The following TCERG1L variants were observed in gnomAD, a reference collection of about 807,000 sequenced individuals.
TCERG1L encodes the protein transcription elongation regulator 1-like protein.
TCERG1L carries 37 observed loss-of-function variants against 56.3 expected under a neutral mutation model. That is an observed-to-expected ratio of 0.66 (90% CI 0.51 to 0.87). The LOEUF is 0.87. Among genes scored for constraint, TCERG1L ranks in the 40% least tolerant of loss-of-function variants. The pLI is 0.00. For missense variants in TCERG1L, 799 were observed against 774.2 expected, an observed-to-expected ratio of 1.03 and a Z score of -0.38; for synonymous variants, 324 against 326.3, an observed-to-expected ratio of 0.99 and a Z score of 0.08.
chr10:131,256,992 G>GGAAGGAAGGAAGGAAAGGAAGAAA (rs1846173015), intron 4 of TCERG1L, among the ~76,000 whole-genome samples: 11 of 59,212 alleles, frequency 1.9e-4, no homozygotes, highest in Admixed American at 3.5e-4. Flanking sequence ...AAGGAAGGAA[G>GGAAGGAAGGAAGGAAAGGAAGAAA]GAAAGAAAGA....
intron 4 of TCERG1L, among the ~76,000 whole-genome samples, chr10:131,195,625 C>T (rs1208961279): frequency 6.6e-6 from 1 of 152,176 alleles, no homozygotes; most frequent in Non-Finnish European, 1.5e-5. Context: ...TCGCACAGGA[C>T]CTCTCCGCTG....
Position 131,103,388 on chromosome 10 carries a change from T to C in TCERG1L, c.1485+877A>G, listed in dbSNP as rs921207195. Among the ~76,000 whole-genome samples, 16 of 152,150 alleles carry C rather than the reference T, an allele frequency of 1.1e-4. No individual in the cohort carries two copies. Among genetic ancestry groups the C allele is most frequent in the African/African-American group, 3.9e-4 (16 of 41,442 alleles). On this transcript the variant is annotated intron_variant, in intron 10 of 11. Transcript: ENST00000368642. The surrounding 1 kb of genome is among the most constrained non-coding windows in gnomAD (Gnocchi z 4.3). The stretch of plus-strand genomic sequence containing the variant: ...CAGGTGTCCTTGCAGAAGTGCTTTT[T>C]GTGTGTATAAGGTTGTGATGAGCCA...
intron 8 of TCERG1L, among the ~76,000 whole-genome samples, chr10:131,132,731 C>A (rs1845631315): frequency 6.6e-6 from 1 of 152,240 alleles, no homozygotes; most frequent in East Asian, 1.9e-4. Flanking sequence ...GTCAGAGGTG[C>A]TCCTTGTCCA....
chr10:131,127,395 G>T (rs894179626), intron 8 of TCERG1L, among the ~76,000 whole-genome samples: 1 of 152,192 alleles, frequency 6.6e-6, no homozygotes, highest in Non-Finnish European at 1.5e-5. Context: ...CAGGCCAGGA[G>T]GCAGCCCCCG....
chr10:131,232,333 C>T (rs1231067610), intron 4 of TCERG1L, among the ~76,000 whole-genome samples: 1 of 152,266 alleles, frequency 6.6e-6, no homozygotes, highest in Non-Finnish European at 1.5e-5. Flanking sequence ...GGATGAGCAG[C>T]TGCCGTCTCA....
At chr10:131,297,788 CT>C (rs759198244) in intron 3 of TCERG1L, among the ~76,000 whole-genome samples, 16 of 152,058 alleles carry the variant, frequency 1.1e-4, no homozygotes, top group Non-Finnish European at 1.8e-4. Context: ...ATTACTACTT[CT>C]ATTTATGTTT....
At chr10:131,155,692 A>G (rs1029627349) in intron 6 of TCERG1L, among the ~76,000 whole-genome samples, 2 of 152,188 alleles carry the variant, frequency 1.3e-5, no homozygotes, top group Non-Finnish European at 2.9e-5. Context: ...GGGGGCTGAC[A>G]GCACGTCCGG....
Position 131,118,303 on chromosome 10 carries a change from G to A in TCERG1L, c.1260-1369C>T, listed in dbSNP as rs539047103. ...ACATCTAAAGGCATGGGCCTTACCC[G>A]CTCCTTTCAAAACCAGCTCACCCTG... On this transcript the variant is annotated intron_variant, in intron 8 of 11. Coordinates refer to ENST00000368642, the MANE Select transcript of TCERG1L (RefSeq NM_174937.4). The surrounding 1 kb of genome is among the most constrained non-coding windows in gnomAD (Gnocchi z 4.2). Among the ~76,000 whole-genome samples, 4 of 152,230 alleles carry A rather than the reference G, an allele frequency of 2.6e-5. No homozygotes were observed. Among genetic ancestry groups the A allele is most frequent in the South Asian group, 2.1e-4 (1 of 4,826 alleles).
chr10:131,220,944 G>C (rs1845724988), intron 4 of TCERG1L, among the ~76,000 whole-genome samples: 1 of 152,222 alleles, frequency 6.6e-6, no homozygotes, highest in Admixed American at 6.5e-5. Context: ...ATGAGCAGCT[G>C]GGCACCTGCG....
At chr10:131,258,741 A>G (rs1434095357) in intron 4 of TCERG1L, among the ~76,000 whole-genome samples, 1 of 152,204 alleles carries the variant, frequency 6.6e-6, no homozygotes, top group East Asian at 1.9e-4. Flanking sequence ...TTCTAACTGA[A>G]CACGCATTAT....
chr10:131,093,447 C>T, intron 11 of TCERG1L, 129 bp from the exon 12 acceptor site: 1 of 1,126,358 alleles, frequency 8.9e-7, no homozygotes, highest in Non-Finnish European at 1.3e-6. Flanking sequence ...TGGCAGGGCA[C>T]CCGGTGGGTG....
chr10:131,146,745 CCCTCA>C, intron 6 of TCERG1L, 85 bp from the exon 7 acceptor site: 1 of 1,453,230 alleles, frequency 6.9e-7, no homozygotes, highest in Non-Finnish European at 9.3e-7. Flanking sequence ...CTGAAAAAGC[CCCTCA>C]GGACCGAAAT....
At chr10:131,226,540 C>T (rs1845792413) in intron 4 of TCERG1L, among the ~76,000 whole-genome samples, 1 of 152,192 alleles carries the variant, frequency 6.6e-6, no homozygotes, top group African/African-American at 2.4e-5. Context: ...AGGATTACAG[C>T]CATGACGATT....
intron 4 of TCERG1L, among the ~76,000 whole-genome samples, chr10:131,233,064 G>A (rs184336399): frequency 1.8e-4 from 27 of 152,352 alleles, no homozygotes; most frequent in African/African-American, 5.5e-4. Flanking sequence ...CTCCCTGAGG[G>A]AGAACTGTTG....
At chr10:131,121,452 T>C (rs1215258129) in intron 8 of TCERG1L, among the ~76,000 whole-genome samples, 1 of 152,218 alleles carries the variant, frequency 6.6e-6, no homozygotes, top group Non-Finnish European at 1.5e-5. Context: ...TCCTGTTAAT[T>C]TCATCCTGAT....
At chr10:131,170,957 C>A (rs1329960279) in intron 4 of TCERG1L, among the ~76,000 whole-genome samples, 1 of 152,090 alleles carries the variant, frequency 6.6e-6, no homozygotes, top group Admixed American at 6.5e-5. Context: ...ACCAGCCTGG[C>A]CAAGATGGTG....
intron 11 of TCERG1L, among the ~76,000 whole-genome samples, 182 bp downstream of exon 11, chr10:131,098,124 C>T (rs1044072247): frequency 1.3e-5 from 2 of 152,196 alleles, no homozygotes; most frequent in African/African-American, 4.8e-5. Flanking sequence ...TTTGGAGGCT[C>T]ATGACAGGCA....
At chr10:131,234,090 T>G (rs1432534311) in intron 4 of TCERG1L, among the ~76,000 whole-genome samples, 1 of 152,212 alleles carries the variant, frequency 6.6e-6, no homozygotes, top group East Asian at 1.9e-4. Flanking sequence ...TTCTTGAACT[T>G]CCCAGTGTGC....
chr10:131,115,195 G>C (rs1450459169), intron 9 of TCERG1L, among the ~76,000 whole-genome samples: 1 of 152,254 alleles, frequency 6.6e-6, no homozygotes, highest in Non-Finnish European at 1.5e-5. Context: ...TGGACACTTG[G>C]ACATCAGGCC....
Sources: allele counts gnomAD v4.1 joint callset (sites outside exome capture counted in the v4.1 genomes callset), GRCh38; gene constraint gnomAD v4.1.1; non-coding constraint Gnocchi (gnomAD v3.1); transcripts MANE v1.5; gene names NCBI Gene and HGNC (gene_info 2026-07-23, HGNC 2026-07-21).